Variants in TSHZ3 observed in about 807,000 individuals in gnomAD.
TSHZ3 encodes the protein teashirt zinc finger homeobox 3.
In TSHZ3, 10 loss-of-function variants were observed where a neutral mutation model predicts 64.5. The observed-to-expected ratio is 0.16, with a 90% CI of 0.10 to 0.26. The LOEUF is 0.26. TSHZ3 is among the 10% of genes least tolerant of loss of function. TSHZ3 has a pLI of 1.00. For synonymous variants in TSHZ3, 608 were observed against 593.1 expected (o/e 1.03, Z -0.36); for missense variants, 1,242 against 1,421.7 (o/e 0.87, Z 2.03).
rs1388376019 is a variant in TSHZ3 at position 31,279,213 on chromosome 19, C to T, written c.580G>A (p.Val194Met). ...TTGCTGCTCTGCCGGTACAGCTGCA[C>T]GGTGCTGAAGAGGCTGGGCTCCGGG... The part of the protein sequence containing the change: ...MLPEPSLFST[V>M]QLYRQSSKLY... Residue 194 changes from valine (V) to methionine (M), a missense_variant, in exon 2 of 2, where the codon GTG becomes ATG. This residue lies in a region of TSHZ3 where 555 missense variants were observed against 704.0 expected (regional missense o/e 0.79). Coordinates refer to ENST00000240587, the MANE Select transcript of TSHZ3 (RefSeq NM_020856.4). This position sits in a 1 kb window ranked among gnomAD's most constrained non-coding sequence, Gnocchi z 6.4. 15 of 1,613,986 alleles carry T rather than the reference C, an allele frequency of 9.3e-6. No homozygotes were observed. The highest frequency in any genetic ancestry group is 2.2e-5 in the South Asian group (2 of 91,080).
intron 5 of TSHZ3, among the ~76,000 whole-genome samples, chr19:31,184,280 C>G (rs1190365930): frequency 6.6e-6 from 1 of 152,070 alleles, no homozygotes; most frequent in Non-Finnish European, 1.5e-5. Flanking sequence ...TCCAAAGCAC[C>G]AACTTTGTGA....
chr19:31,180,540 G>A (rs1001149966), intron 5 of TSHZ3, among the ~76,000 whole-genome samples: 1 of 152,198 alleles, frequency 6.6e-6, no homozygotes, highest in Admixed American at 6.5e-5. Context: ...TCTCAATGCT[G>A]CACATGGAAA....
chr19:31,208,604 G>C (rs1384970612), intron 4 of TSHZ3, among the ~76,000 whole-genome samples: 2 of 152,152 alleles, frequency 1.3e-5, no homozygotes, highest in African/African-American at 4.8e-5. Flanking sequence ...TAACTTGCAG[G>C]GTCCTTATGG....
chr19:31,183,825 G>A (rs1488762383), intron 5 of TSHZ3, among the ~76,000 whole-genome samples: 5 of 152,112 alleles, frequency 3.3e-5, no homozygotes. Context: ...TTTGACTGAA[G>A]AGTCTTTGGT....
intron 1 of TSHZ3, among the ~76,000 whole-genome samples, chr19:31,260,882 C>A (rs1164656543): frequency 6.6e-6 from 1 of 152,192 alleles, no homozygotes; most frequent in Non-Finnish European, 1.5e-5. Context: ...AATCCATTCA[C>A]CACATGCATT....
chr19:31,331,185 C>T (rs1028176486), intron 1 of TSHZ3, among the ~76,000 whole-genome samples: 3 of 152,092 alleles, frequency 2.0e-5, no homozygotes, highest in Admixed American at 6.5e-5. Context: ...AGAGGGCACG[C>T]GGGGAATGTG....
At chr19:31,161,295 G>A (rs1445563847) in intron 5 of TSHZ3, among the ~76,000 whole-genome samples, 1 of 152,130 alleles carries the variant, frequency 6.6e-6, no homozygotes, top group Non-Finnish European at 1.5e-5. Flanking sequence ...CAGTATTAAG[G>A]AGCACACACA....
At chr19:31,289,140 G>T (rs748520840) in intron 1 of TSHZ3, among the ~76,000 whole-genome samples, 2 of 152,228 alleles carry the variant, frequency 1.3e-5, no homozygotes, top group Non-Finnish European at 2.9e-5. Context: ...CTGCACAGGG[G>T]CTGTGCTCCA....
intron 5 of TSHZ3, among the ~76,000 whole-genome samples, chr19:31,202,495 C>A (rs1293192707): frequency 6.6e-6 from 1 of 151,908 alleles, no homozygotes; most frequent in East Asian, 1.9e-4. Flanking sequence ...AGTTCTACTC[C>A]TCTGCATTTT....
intron 5 of TSHZ3, among the ~76,000 whole-genome samples, chr19:31,200,912 GA>G (rs200717153): frequency 2.1e-4 from 31 of 148,880 alleles, no homozygotes; most frequent in South Asian, 8.5e-4. Flanking sequence ...AGTTTATTTT[GA>G]AAAAAAAAGA....
Position 31,275,796 on chromosome 19 carries a change from G to C in TSHZ3, c.*751C>G, listed in dbSNP as rs1407914071. On this transcript the variant is annotated 3_prime_UTR_variant, in exon 2 of 2. Transcript: ENST00000240587. ...TTGCATGTAAAAAACAAAACCCATAGACCTTAAAAAAAAGAAAAAAAGAAA... is the reference window on the plus strand; with the variant it reads ...TTGCATGTAAAAAACAAAACCCATACACCTTAAAAAAAAGAAAAAAAGAAA... 3 of 152,058 alleles carry C rather than the reference G, an allele frequency of 2.0e-5. No individual in the cohort carries two copies. The highest frequency in any genetic ancestry group is 4.4e-5 in the Non-Finnish European group (3 of 67,960). The allele number at this position is 152,058 out of a possible 1,614,324, so 9.4% of individuals were successfully genotyped here.
intron 1 of TSHZ3, among the ~76,000 whole-genome samples, chr19:31,312,414 T>C (rs367951595): frequency 1.2e-4 from 19 of 152,320 alleles, no homozygotes; most frequent in African/African-American, 4.1e-4. Flanking sequence ...ACACTTCCGA[T>C]GGGGTAGTCC....
intron 1 of TSHZ3, among the ~76,000 whole-genome samples, chr19:31,259,102 T>A (rs1975952202): frequency 6.6e-6 from 1 of 152,156 alleles, no homozygotes; most frequent in Non-Finnish European, 1.5e-5. Flanking sequence ...TAAGCGAAAA[T>A]GATGTTCTTA....
At position 31,279,631 on chromosome 19, in the gene TSHZ3, C is replaced by T; in HGVS notation, c.162G>A (p.Arg54=). Residue 54 remains arginine, a synonymous_variant, in exon 2 of 2, where the codon AGG becomes AGA. Coordinates refer to ENST00000240587, the MANE Select transcript of TSHZ3 (RefSeq NM_020856.4). The surrounding 1 kb of genome is among the most constrained non-coding windows in gnomAD (Gnocchi z 6.4). ...GGGAGTTCTGGTAGCTGGGGCAGGC[C>T]CTGGCGAGCTCCTTCTCCGGGCACA... is the stretch of plus-strand genomic sequence containing the variant. ...KYMCPEKELA[R]ACPSYQNSPA... is the part of the protein sequence containing the mutation. The T allele has an allele frequency of 6.2e-7, 1 of 1,611,408 alleles. No homozygotes were observed. The highest frequency in any genetic ancestry group is 8.5e-7 in the Non-Finnish European group (1 of 1,178,506).
rs142424628 is a variant in TSHZ3 at position 31,219,818 on chromosome 19, A to T, written n.686+8187T>A. Among the ~76,000 whole-genome samples, 1,044 of 149,268 alleles carry T rather than the reference A, an allele frequency of 7.0e-3. 15 individuals are homozygous for T. Among genetic ancestry groups the T allele is most frequent in the African/African-American group, 0.024 (970 of 40,980 alleles). On this transcript the variant is annotated intron_variant and non_coding_transcript_variant, in intron 4 of 6. Coordinates refer to the TSHZ3 transcript ENST00000651361. ...ATAGATATATATATGTATATATATA[A>T]AAAATATATATGTATATTCAAAATG...
intron 3 of TSHZ3, among the ~76,000 whole-genome samples, chr19:31,236,127 G>A (rs993938620): frequency 6.6e-6 from 1 of 152,086 alleles, no homozygotes; most frequent in Non-Finnish European, 1.5e-5. Flanking sequence ...CATTTCCTTT[G>A]GATCTATATC....
At chr19:31,154,784 A>T (rs990469519) in intron 6 of TSHZ3, among the ~76,000 whole-genome samples, 1 of 152,160 alleles carries the variant, frequency 6.6e-6, no homozygotes, top group African/African-American at 2.4e-5. Flanking sequence ...TGTGGGCTTC[A>T]TTTGAGACCT....
rs1599620540 is a variant in TSHZ3 at position 31,278,295 on chromosome 19, T to C, written c.1498A>G (p.Ile500Val). The C allele has an allele frequency of 5.0e-6, 8 of 1,614,240 alleles. No homozygotes were observed. The highest frequency in any genetic ancestry group is 1.1e-5 in the South Asian group (1 of 91,084). Residue 500 changes from isoleucine (I) to valine (V), a missense_variant, in exon 2 of 2, where the codon ATC (isoleucine) becomes GTC (valine). Ile to Val is a conservative substitution (Grantham distance 29). This residue lies in a region of TSHZ3 where 555 missense variants were observed against 704.0 expected (regional missense o/e 0.79). Transcript: ENST00000240587. This position sits in a 1 kb window ranked among gnomAD's most constrained non-coding sequence, Gnocchi z 4.7. ...GTCAAGTAATGGTATTTGGAAGAGATGTCACACTTCTCCTCTTCTTCGCCA... is the reference window on the plus strand; with the variant it reads ...GTCAAGTAATGGTATTTGGAAGAGACGTCACACTTCTCCTCTTCTTCGCCA... The part of the protein sequence containing the change: ...KPGEEEEKCD[I>V]SSKYHYLTEN...
chr19:31,201,215 T>A (rs1975082031), intron 5 of TSHZ3, among the ~76,000 whole-genome samples: 1 of 152,180 alleles, frequency 6.6e-6, no homozygotes, highest in Admixed American at 6.5e-5. Flanking sequence ...TGATTTTTAA[T>A]AATGGTTAAA....
Sources: gnomAD v4.1 joint callset for allele counts (sites outside exome capture counted in the v4.1 genomes callset) on GRCh38, gnomAD v4.1.1 for gene constraint, gnomAD v4.1.1 regional missense constraint, Gnocchi (gnomAD v3.1) non-coding constraint, MANE v1.5 for transcripts, NCBI Gene and HGNC (gene_info 2026-07-23, HGNC 2026-07-21) for gene names.